Variants in SKOR2 observed in about 807,000 individuals in gnomAD.
SKOR2 encodes SKI family transcriptional corepressor 2.
In SKOR2, 47 loss-of-function variants were observed where a neutral mutation model predicts 69.1. The observed-to-expected ratio is 0.68, with a 90% CI of 0.54 to 0.87. The LOEUF is 0.87. Among genes scored for constraint, SKOR2 ranks in the 40% least tolerant of loss-of-function variants. The probability of loss-of-function intolerance (pLI) is 0.00; values close to 1 mark genes in which losing one functional copy is unlikely to be tolerated. For synonymous variants in SKOR2, 717 were observed against 672.6 expected (o/e 1.07, Z -1.02); for missense variants, 1,404 against 1,472.2 (o/e 0.95, Z 0.76).
rs10670977 is a variant in SKOR2 at position 47,245,478 on chromosome 18, ATTT to A, written c.2677+17_2677+19del. 2.3e-3 allele frequency: 2,722 copies of A among 1,192,734 alleles called. 2 individuals carry two copies. The highest frequency in any genetic ancestry group is 6.2e-3 in the South Asian group (347 of 56,284). 73.9% of individuals were successfully genotyped at this position (1,192,734 alleles called of 1,614,324 possible). A position where few individuals can be genotyped will look rare whatever the true frequency, so the allele number is the denominator to read the frequency against. ...ATGCAGGCAAGAAAAGTGGCAGCTG[ATTT>A]TTTTTTTTTTTTTTACCTGAAAAGC... is the stretch of plus-strand genomic sequence containing the variant. On this transcript the variant is annotated intron_variant, in intron 3 of 8. Transcript: ENST00000425639.
Position 47,248,958 on chromosome 18 carries a change from T to C in SKOR2, c.226A>G (p.Ser76Gly), listed in dbSNP as rs1482826227. Residue 76 changes from serine (S) to glycine (G), a missense_variant, in exon 2 of 9, where the codon AGC (serine) becomes GGC (glycine). Ser to Gly is a moderately conservative substitution (Grantham distance 56, BLOSUM62 0). Around this residue, in one of 3 missense-constraint regions of SKOR2, gnomAD observed 34 missense variants for 66.6 expected, o/e 0.51. Transcript: ENST00000425639. The surrounding 1 kb of genome is among the most constrained non-coding windows in gnomAD (Gnocchi z 6.4). ...CGACGGTTGTGGATCTCGTTGTAGC[T>C]GAAGTTCTTGAGCAGAGTGTTGGAG... Reference protein sequence around the residue: ...QISNTLLKNFSYNEIHNRRVA... With the variant: ...QISNTLLKNFGYNEIHNRRVA... 1 of 1,574,760 alleles carries C rather than the reference T, an allele frequency of 6.4e-7. No homozygotes were observed. The highest frequency in any genetic ancestry group is 8.6e-7 in the Non-Finnish European group (1 of 1,167,670).
rs554626580 is a variant in SKOR2 at position 47,238,911 on chromosome 18, T to C, written c.2752+5997A>G. Among the ~76,000 whole-genome samples, 165 of 152,322 alleles carry C rather than the reference T, an allele frequency of 1.1e-3. 2 individuals carry two copies. Among genetic ancestry groups the C allele is most frequent in the African/African-American group, 3.6e-3 (150 of 41,574 alleles). ...GGCTGAGGCTCTGTCCTCCTGTTGC[T>C]CAACAGCAGGCACAGGGCCTGGCCA... On this transcript the variant is annotated intron_variant, in intron 4 of 8. Transcript: ENST00000425639.
intron 7 of SKOR2, among the ~76,000 whole-genome samples, chr18:47,216,022 T>C (rs2064142974): frequency 6.6e-6 from 1 of 152,216 alleles, no homozygotes; most frequent in Non-Finnish European, 1.5e-5. Flanking sequence ...TTGTAAGTTT[T>C]TATATTCCAG....
At chr18:47,235,272 G>A (rs2064217381) in intron 4 of SKOR2, among the ~76,000 whole-genome samples, 1 of 152,038 alleles carries the variant, frequency 6.6e-6, no homozygotes, top group South Asian at 2.1e-4. Flanking sequence ...AAGATCACTT[G>A]AGCCCTGGAG....
At chr18:47,246,494 C>T (rs2064273790) in intron 2 of SKOR2, 77 bp downstream of exon 2, 1 of 1,400,906 alleles carries the variant, frequency 7.1e-7, no homozygotes, top group Non-Finnish European at 9.2e-7. Flanking sequence ...CTTTCCTGCG[C>T]ATATGTAACC....
intron 5 of SKOR2, among the ~76,000 whole-genome samples, 179 bp downstream of exon 5, chr18:47,230,756 T>G (rs1006994174): frequency 6.6e-6 from 1 of 152,198 alleles, no homozygotes; most frequent in Non-Finnish European, 1.5e-5. Context: ...TATATTACAG[T>G]GTCATGTATT....
intron 4 of SKOR2, among the ~76,000 whole-genome samples, chr18:47,239,259 T>C (rs1039174574): frequency 6.6e-6 from 1 of 152,196 alleles, no homozygotes; most frequent in Non-Finnish European, 1.5e-5. Context: ...CAGTGGGATA[T>C]AGACTTCTAA....
chr18:47,245,634 G>A lies in SKOR2; in HGVS notation c.2614-73C>T, dbSNP rs2064269688. 3 of 1,373,772 alleles carry A rather than the reference G, an allele frequency of 2.2e-6. No individual in the cohort carries two copies. The African/African-American group carries it at 4.5e-5, about 21-fold the overall frequency. The allele number at this position is 1,373,772 out of a possible 1,614,324, so 85.1% of individuals were successfully genotyped here. A position where few individuals can be genotyped will look rare whatever the true frequency, so the allele number is the denominator to read the frequency against. On this transcript the variant is annotated intron_variant, in intron 2 of 8. Transcript: ENST00000425639. ...ATATGCTAATGTCAACAGTCAGCAGGAAGAAGCATCAATAAAAGTGACTCC... is the reference window on the plus strand; with the variant it reads ...ATATGCTAATGTCAACAGTCAGCAGAAAGAAGCATCAATAAAAGTGACTCC...
In SKOR2 at chr18:47,247,029, G is replaced by A; in HGVS notation, c.2155C>T (p.Pro719Ser). ...QHPHHRGLLS[P>S]GGTSCCYPSE... ...GGGTAGCAGCAGCTGGTTCCCCCGG[G>A]AGACAGAAGGCCTCGGTGGTGCGGG... Residue 719 changes from proline (P) to serine (S), a missense_variant, in exon 2 of 9, where the codon CCC (proline) becomes TCC (serine). Coordinates refer to ENST00000425639, the MANE Select transcript of SKOR2 (RefSeq NM_001278063.4). The surrounding 1 kb of genome is among the most constrained non-coding windows in gnomAD (Gnocchi z 6.6). 2.0e-6 allele frequency: 3 copies of A among 1,492,352 alleles called. No individual in the cohort carries two copies. Among genetic ancestry groups the A allele is most frequent in the Non-Finnish European group, 2.7e-6 (3 of 1,127,116 alleles). The allele number at this position is 1,492,352 out of a possible 1,614,324, so 92.4% of individuals were successfully genotyped here.
At chr18:47,208,688 G>C (rs1420198674) in intron 8 of SKOR2, among the ~76,000 whole-genome samples, 3 of 152,194 alleles carry the variant, frequency 2.0e-5, no homozygotes, top group Non-Finnish European at 4.4e-5. Flanking sequence ...GAAATAACTA[G>C]ATGTAAGGAA....
At chr18:47,217,487 C>T (rs2064147716) in intron 7 of SKOR2, among the ~76,000 whole-genome samples, 2 of 152,234 alleles carry the variant, frequency 1.3e-5, no homozygotes, top group Admixed American at 1.3e-4. Flanking sequence ...GTATTCCTTC[C>T]TTTAGGAGTT....
chr18:47,248,281 G>A lies in SKOR2; in HGVS notation c.903C>T (p.Ala301=). Residue 301 remains alanine (A), a synonymous_variant, in exon 2 of 9, where the codon GCC becomes GCT. Coordinates refer to ENST00000425639, the MANE Select transcript of SKOR2 (RefSeq NM_001278063.4). The surrounding 1 kb of genome is among the most constrained non-coding windows in gnomAD (Gnocchi z 6.4). ...GCGGCCGCTTGTGATGGGCGTGCGG[G>A]GCACCAGCCAGCTCTGCCAAGGGCG... ...PPPPLAELAG[A]PHAHHKRPRF... 1.6e-6 allele frequency: 2 copies of A among 1,214,792 alleles called. No homozygotes were observed. Among genetic ancestry groups the A allele is most frequent in the Non-Finnish European group, 2.0e-6 (2 of 979,274 alleles). The allele number at this position is 1,214,792 out of a possible 1,614,324, so 75.3% of individuals were successfully genotyped here.
At chr18:47,235,976 CT>C (rs889510625) in intron 4 of SKOR2, among the ~76,000 whole-genome samples, 1 of 152,094 alleles carries the variant, frequency 6.6e-6, no homozygotes, top group Non-Finnish European at 1.5e-5. Flanking sequence ...CTTGTCCAAC[CT>C]GCTGAGCCAT....
intron 4 of SKOR2, among the ~76,000 whole-genome samples, chr18:47,234,860 C>G (rs190015008): frequency 0.015 from 547 of 36,158 alleles, 2 homozygotes; most frequent in Non-Finnish European, 0.027. Context: ...AACTCCATCT[C>G]AGGGAAAAAA....
At chr18:47,244,877 TATTC>T in intron 4 of SKOR2, 27 bp downstream of exon 4, 1 of 1,520,880 alleles carries the variant, frequency 6.6e-7, no homozygotes, top group Non-Finnish European at 8.8e-7. Context: ...GTCATCTGAC[TATTC>T]ATTCCTCTTA....
Position 47,206,732 on chromosome 18 carries a change from T to A in SKOR2, c.*164A>T, listed in dbSNP as rs576145972. 1 of 151,868 alleles carries A rather than the reference T, an allele frequency of 6.6e-6. No homozygotes were observed. Among genetic ancestry groups the A allele is most frequent in the East Asian group, 2.0e-4 (1 of 5,092 alleles). 9.4% of individuals were successfully genotyped at this position (151,868 alleles called of 1,614,324 possible). A position where few individuals can be genotyped will look rare whatever the true frequency, so the allele number is the denominator to read the frequency against. The stretch of plus-strand genomic sequence containing the variant: ...GGCTGCTACAGTCTATTTTACATGG[T>A]TGTCCATGCTGTTTTGAGGTCACTT... On this transcript the variant is annotated 3_prime_UTR_variant, in exon 9 of 9. Transcript: ENST00000425639.
rs1471614014 is a variant in SKOR2 at position 47,247,459 on chromosome 18, C to A, written c.1725G>T (p.Pro575=). The A allele has an allele frequency of 9.7e-6, 12 of 1,232,944 alleles. 1 individual carries two copies. The South Asian group carries it at 3.1e-4, about 32-fold the overall frequency. The allele number at this position is 1,232,944 out of a possible 1,614,324, so 76.4% of individuals were successfully genotyped here. ...SGGDCSAGST[P]PADSVAAAGA... ...CGGCAGCTGCCACAGAGTCCGCGGG[C>A]GGCGTGGAGCCCGCGCTGCAGTCCC... Residue 575 remains proline, a synonymous_variant, in exon 2 of 9, where the codon CCG becomes CCT. Coordinates refer to ENST00000425639, the MANE Select transcript of SKOR2 (RefSeq NM_001278063.4). This position sits in a 1 kb window ranked among gnomAD's most constrained non-coding sequence, Gnocchi z 6.6.
chr18:47,211,711 T>C (rs1409608906), intron 8 of SKOR2, among the ~76,000 whole-genome samples: 1 of 152,140 alleles, frequency 6.6e-6, no homozygotes, highest in Non-Finnish European at 1.5e-5. Context: ...CAGGCAGGCT[T>C]TTTGGAAGCG....
Position 47,248,011 on chromosome 18 carries a change from G to A in SKOR2, c.1173C>T (p.Phe391=), listed in dbSNP as rs1464317238. The A allele has an allele frequency of 2.1e-6, 3 of 1,438,604 alleles. No individual in the cohort carries two copies. Among genetic ancestry groups the A allele is most frequent in the African/African-American group, 1.5e-5 (1 of 67,644 alleles). 89.1% of individuals were successfully genotyped at this position (1,438,604 alleles called of 1,614,324 possible). Residue 391 remains phenylalanine, a synonymous_variant, in exon 2 of 9, where the codon TTC becomes TTT. Transcript: ENST00000425639. The surrounding 1 kb of genome is among the most constrained non-coding windows in gnomAD (Gnocchi z 6.4). ...CCGGGAACTTCTGCAGGACGCCCCC[G>A]AACGAGCCCTTGCTGGGCACCGGGA... is the stretch of plus-strand genomic sequence containing the variant. The part of the protein sequence containing the change: ...PVIPVPSKGS[F]GGVLQKFPGC...
Sources: allele counts gnomAD v4.1 joint callset (sites outside exome capture counted in the v4.1 genomes callset), GRCh38; gene constraint gnomAD v4.1.1; regional missense constraint gnomAD v4.1.1; non-coding constraint Gnocchi (gnomAD v3.1); transcripts MANE v1.5; gene names NCBI Gene and HGNC (gene_info 2026-07-23, HGNC 2026-07-21).